Variants in FRMD7 observed in about 807,000 individuals in gnomAD.
The protein encoded by FRMD7 is FERM domain containing 7.
In FRMD7, 14 loss-of-function variants were observed where a neutral mutation model predicts 44.1. That is an observed-to-expected ratio of 0.32 (90% CI 0.21 to 0.50). The LOEUF is 0.50. Among genes scored for constraint, FRMD7 ranks in the 20% least tolerant of loss-of-function variants. The pLI, the probability that FRMD7 is intolerant of heterozygous loss-of-function variation, is 0.99. For missense variants in FRMD7, 501 were observed against 522.3 expected (o/e 0.96, Z 0.40); for synonymous variants, 212 against 187.4 (o/e 1.13, Z -1.07).
chrX:132,080,215 C>T lies in FRMD7; in HGVS notation c.957G>A (p.Lys319=). 1 of 1,205,635 alleles carries T rather than the reference C, an allele frequency of 8.3e-7. No individual in the cohort carries two copies. The highest frequency in any genetic ancestry group is 1.1e-6 in the Non-Finnish European group (1 of 889,809). Reference sequence around the variant, plus strand: ...TCATGTACCTTTCAAATGGCAAGCTCTTCAGCCTCCCTTTTCTCCCATATT... The same window carrying T: ...TCATGTACCTTTCAAATGGCAAGCTTTTCAGCCTCCCTTTTCTCCCATATT... ...LLEYGRKGRL[K]SLPFERKHYP... is the part of the protein sequence containing the mutation. Residue 319 remains lysine, a synonymous_variant, in exon 10 of 12, where the codon AAG becomes AAA. Transcript: ENST00000298542.
rs763767834 is a variant in FRMD7, at chrX:132,080,289, T to C, written c.906-23A>G. 3.7e-6 allele frequency: 4 copies of C among 1,069,686 alleles called. No individual in the cohort carries two copies. In the South Asian group the frequency reaches 7.4e-5, roughly 20 times the overall value. 88.2% of individuals were successfully genotyped at this position (1,069,686 alleles called of 1,213,427 possible). On this transcript the variant is annotated intron_variant, in intron 9 of 11. Coordinates refer to ENST00000298542, the MANE Select transcript of FRMD7 (RefSeq NM_194277.3). Reference sequence around the variant, plus strand: ...CCACTATCATAAGGAACAATAAAAATCCTTAGTTCTAGCCATAAACCAATA... The same window carrying C: ...CCACTATCATAAGGAACAATAAAAACCCTTAGTTCTAGCCATAAACCAATA...
At chrX:132,127,435 C>G (rs1304371356) in intron 1 of FRMD7, among the ~76,000 whole-genome samples, 1 of 111,889 alleles carries the variant, frequency 8.9e-6, no homozygotes, top group African/African-American at 3.2e-5. Flanking sequence ...GTTTTCTCCC[C>G]ACAAATGCTC....
intron 1 of FRMD7, among the ~76,000 whole-genome samples, chrX:132,104,586 G>A (rs770811007): frequency 9.0e-6 from 1 of 111,380 alleles, no homozygotes; most frequent in South Asian, 3.8e-4. Context: ...CCAGCTACTC[G>A]GGAGGCTGAG....
At chrX:132,118,667 C>G (rs1040285649) in intron 1 of FRMD7, among the ~76,000 whole-genome samples, 2 of 111,711 alleles carry the variant, frequency 1.8e-5, no homozygotes, top group Non-Finnish European at 3.8e-5. Flanking sequence ...CTCTGGGGAC[C>G]CCTTTTTATC....
intron 1 of FRMD7, among the ~76,000 whole-genome samples, chrX:132,104,792 T>A (rs1446761545): frequency 1.8e-5 from 2 of 112,526 alleles, no homozygotes. Flanking sequence ...CAAATACAAT[T>A]GTACACTTTG....
rs1200339826 is a variant in FRMD7, at chrX:132,077,206, C to G, written c.*666G>C. 1 of 111,070 alleles carries G rather than the reference C, an allele frequency of 9.0e-6. No homozygotes were observed. The highest frequency in any genetic ancestry group is 1.9e-5 in the Non-Finnish European group (1 of 52,986). The allele number at this position is 111,070 out of a possible 1,213,427, so 9.2% of individuals were successfully genotyped here. A position where few individuals can be genotyped will look rare whatever the true frequency, so the allele number is the denominator to read the frequency against. On this transcript the variant is annotated 3_prime_UTR_variant, in exon 12 of 12. Transcript: ENST00000298542. ...AAGTAAAACAACATGATACTTTCAT[C>G]TGGTTTATGTCTGGCTCTAGAAATT...
intron 9 of FRMD7, among the ~76,000 whole-genome samples, chrX:132,081,366 A>AC (rs1222276591): frequency 9.1e-4 from 102 of 111,625 alleles, no homozygotes; most frequent in African/African-American, 2.0e-3. Context: ...AACAACAACA[A>AC]AAAAAAACAC....
intron 7 of FRMD7, among the ~76,000 whole-genome samples, chrX:132,084,859 T>C (rs1319679308): frequency 1.8e-5 from 2 of 111,271 alleles, no homozygotes; most frequent in Non-Finnish European, 3.8e-5. Flanking sequence ...ATTACTACAA[T>C]AGCTTTTCTA....
At chrX:132,096,547 C>G (rs1451891158) in intron 4 of FRMD7, among the ~76,000 whole-genome samples, 1 of 102,295 alleles carries the variant, frequency 9.8e-6, no homozygotes, top group Non-Finnish European at 2.0e-5. Context: ...AAAGCCCCAT[C>G]TCTAAAAAAA....
intron 4 of FRMD7, among the ~76,000 whole-genome samples, chrX:132,096,098 A>G (rs1170644472): frequency 1.8e-5 from 2 of 111,603 alleles, no homozygotes; most frequent in African/African-American, 3.3e-5. Context: ...GGGTTAGCAA[A>G]CGCAAATACA....
At chrX:132,099,135 A>G (rs1602817876) in intron 3 of FRMD7, among the ~76,000 whole-genome samples, 1 of 111,979 alleles carries the variant, frequency 8.9e-6, no homozygotes, top group East Asian at 2.8e-4. Flanking sequence ...ATCTTCAGGC[A>G]GACAGTGAAT....
At chrX:132,082,302 C>T in intron 9 of FRMD7, 61 bp downstream of exon 9, 1 of 973,413 alleles carries the variant, frequency 1.0e-6, no homozygotes, top group Non-Finnish European at 1.5e-6. Context: ...TCCTCCTAAG[C>T]CTCCTGTGTT....
At chrX:132,117,630 C>T (rs1928934205) in intron 1 of FRMD7, among the ~76,000 whole-genome samples, 1 of 111,480 alleles carries the variant, frequency 9.0e-6, no homozygotes, top group Non-Finnish European at 1.9e-5. Context: ...ATAAGGTACT[C>T]CTAATCCCAC....
intron 1 of FRMD7, among the ~76,000 whole-genome samples, chrX:132,122,252 G>T (rs1929052837): frequency 8.9e-6 from 1 of 111,864 alleles, no homozygotes; most frequent in African/African-American, 3.2e-5. Context: ...TAGATGCTAG[G>T]ATCATCTCCA....
intron 1 of FRMD7, among the ~76,000 whole-genome samples, chrX:132,108,112 C>G (rs755283397): frequency 2.7e-5 from 3 of 111,784 alleles, no homozygotes; most frequent in Non-Finnish European, 5.6e-5. Flanking sequence ...CTCTGAGCCT[C>G]AGTTTCCTCA....
rs1346480794 is a variant in FRMD7, at chrX:132,077,848, A to G, written c.*24T>C. 2 of 1,211,106 alleles carry G rather than the reference A, an allele frequency of 1.7e-6. No individual in the cohort carries two copies. The highest frequency in any genetic ancestry group is 2.2e-6 in the Non-Finnish European group (2 of 894,803). ...TAAGTCGGTAACATGGAACTGGCTCAGAAATGTCCATAGGTTCACACTTTT... is the reference window on the plus strand; with the variant it reads ...TAAGTCGGTAACATGGAACTGGCTCGGAAATGTCCATAGGTTCACACTTTT... On this transcript the variant is annotated 3_prime_UTR_variant, in exon 12 of 12. Coordinates refer to ENST00000298542, the MANE Select transcript of FRMD7 (RefSeq NM_194277.3).
At chrX:132,110,207 G>C (rs1928743898) in intron 1 of FRMD7, among the ~76,000 whole-genome samples, 1 of 111,641 alleles carries the variant, frequency 9.0e-6, no homozygotes, top group South Asian at 3.8e-4. Context: ...GACCGATGCT[G>C]CTGGTCTGTG....
intron 7 of FRMD7, among the ~76,000 whole-genome samples, chrX:132,085,287 C>T (rs766208957): frequency 2.6e-4 from 29 of 111,697 alleles, no homozygotes; most frequent in South Asian, 3.8e-4. Context: ...GTAATCTATT[C>T]GCGTGGTCTG....
intron 8 of FRMD7, among the ~76,000 whole-genome samples, chrX:132,084,277 G>A (rs1927913753): frequency 8.9e-6 from 1 of 111,742 alleles, no homozygotes; most frequent in African/African-American, 3.3e-5. Context: ...CTATTACTTT[G>A]TTAACTCTAA....
Sources: gnomAD v4.1 joint callset for allele counts (sites outside exome capture counted in the v4.1 genomes callset) on GRCh38, gnomAD v4.1.1 for gene constraint, MANE v1.5 for transcripts, NCBI Gene and HGNC (gene_info 2026-07-23, HGNC 2026-07-21) for gene names.